The following TRAM2 variants were observed in gnomAD, a reference collection of about 807,000 sequenced individuals.
The protein encoded by TRAM2 is translocating chain-associated membrane protein 2.
In TRAM2, 12 loss-of-function variants were observed where a neutral mutation model predicts 51.0. That is an observed-to-expected ratio of 0.24 (90% CI 0.15 to 0.38). The LOEUF (loss-of-function observed/expected upper bound fraction) is 0.38. Among genes scored for constraint, TRAM2 ranks in the 10% least tolerant of loss-of-function variants. The pLI is 1.00. For synonymous variants in TRAM2, 175 were observed against 179.4 expected (o/e 0.98, Z 0.20); for missense variants, 361 against 462.0 (o/e 0.78, Z 2.00).
chr6:52,553,582 A>G (rs1170152169), intron 1 of TRAM2, among the ~76,000 whole-genome samples: 1 of 150,864 alleles, frequency 6.6e-6, no homozygotes, highest in Non-Finnish European at 1.5e-5. Context: ...TTCTACCATC[A>G]CTCCTCTTGG....
In TRAM2 at chr6:52,507,592, C is replaced by A; in HGVS notation, c.587G>T (p.Cys196Phe). 4.3e-6 allele frequency: 7 copies of A among 1,614,132 alleles called. No individual in the cohort carries two copies. Among genetic ancestry groups the A allele is most frequent in the Non-Finnish European group, 5.9e-6 (7 of 1,180,016 alleles). Residue 196 changes from cysteine (C) to phenylalanine (F), a missense_variant, in exon 7 of 11, where the codon TGC becomes TTC. Transcript: ENST00000182527. ...EEIPRQLQYICLYLVHIAGAY... is the reference protein window; with the variant it reads ...EEIPRQLQYIFLYLVHIAGAY... Reference sequence around the variant, plus strand: ...TCCAGCTATATGCACCAGGTACAGGCAAATATACTGGAGCTGGCGGGGAAT... The same window carrying A: ...TCCAGCTATATGCACCAGGTACAGGAAAATATACTGGAGCTGGCGGGGAAT...
intron 2 of TRAM2, among the ~76,000 whole-genome samples, chr6:52,519,105 C>G (rs1258806385): frequency 6.6e-6 from 1 of 152,214 alleles, no homozygotes; most frequent in Non-Finnish European, 1.5e-5. Flanking sequence ...GCTGTTGAGA[C>G]CTGCGCACAT....
chr6:52,570,800 C>T (rs112470650), intron 1 of TRAM2, among the ~76,000 whole-genome samples: 6,954 of 115,880 alleles, frequency 0.06, 629 homozygotes, highest in Non-Finnish European at 0.084. Context: ...CCACCACCCC[C>T]CCCCCCACAC....
chr6:52,571,185 G>A (rs972095908), intron 1 of TRAM2, among the ~76,000 whole-genome samples: 21 of 152,054 alleles, frequency 1.4e-4, no homozygotes, highest in Admixed American at 6.6e-4. Context: ...TGCTAATAGC[G>A]CTCTCGCTGA....
chr6:52,576,389 C>T (rs183106264), intron 1 of TRAM2, among the ~76,000 whole-genome samples: 236 of 152,344 alleles, frequency 1.5e-3, no homozygotes, highest in Non-Finnish European at 2.3e-3. Context: ...GTGGCCACCC[C>T]TTGGGGCAAG....
Position 52,500,388 on chromosome 6 carries a change from A to G in TRAM2, c.*2809T>C, listed in dbSNP as rs971665364. 1.3e-5 allele frequency: 2 copies of G among 152,200 alleles called. No individual in the cohort carries two copies. The highest frequency in any genetic ancestry group is 2.4e-5 in the African/African-American group (1 of 41,430). The allele number at this position is 152,200 out of a possible 1,614,324, so 9.4% of individuals were successfully genotyped here. A position where few individuals can be genotyped will look rare whatever the true frequency, so the allele number is the denominator to read the frequency against. On this transcript the variant is annotated 3_prime_UTR_variant, in exon 11 of 11. Transcript: ENST00000182527. ...GCCACAGACTTGGCTCTGCTGTGAA[A>G]TAAACGTGCCAGGGAGGGTGGCAGG...
rs1026002373 is a variant in TRAM2, at chr6:52,558,902, A to G, written c.120+17894T>C. Among the ~76,000 whole-genome samples the G allele has an allele frequency of 2.0e-5, 3 of 152,206 alleles. No homozygotes were observed. In the East Asian group the frequency reaches 5.8e-4, roughly 29 times the overall value. ...AATCACACACCATTAATTCCAACAA[A>G]TATTTTTCCTCACACCCTTCTAGCC... On this transcript the variant is annotated intron_variant, in intron 1 of 10. Transcript: ENST00000182527.
chr6:52,535,616 G>A (rs765907692), intron 2 of TRAM2, among the ~76,000 whole-genome samples, 167 bp downstream of exon 2: 18 of 152,190 alleles, frequency 1.2e-4, no homozygotes, highest in Non-Finnish European at 2.4e-4. Flanking sequence ...GGGATGTGGA[G>A]GTTGCAGTGA....
At chr6:52,538,889 T>A (rs1335038601) in intron 1 of TRAM2, among the ~76,000 whole-genome samples, 1 of 152,210 alleles carries the variant, frequency 6.6e-6, no homozygotes, top group Non-Finnish European at 1.5e-5. Flanking sequence ...CACTGAAACC[T>A]TGTTCCTGGG....
At chr6:52,517,800 G>C (rs937979236) in intron 2 of TRAM2, among the ~76,000 whole-genome samples, 5 of 152,258 alleles carry the variant, frequency 3.3e-5, no homozygotes, top group African/African-American at 1.2e-4. Context: ...GTTTGTTTCA[G>C]GGTGGCCAGG....
At chr6:52,507,039 G>A (rs1766362587) in intron 7 of TRAM2, among the ~76,000 whole-genome samples, 1 of 152,178 alleles carries the variant, frequency 6.6e-6, no homozygotes, top group Non-Finnish European at 1.5e-5. Context: ...TTTCATAAAA[G>A]AGGCTCTTCG....
intron 2 of TRAM2, among the ~76,000 whole-genome samples, chr6:52,518,159 C>T (rs1294410192): frequency 6.6e-6 from 1 of 152,148 alleles, no homozygotes; most frequent in Non-Finnish European, 1.5e-5. Context: ...CCACAGCAGG[C>T]GAGGGCCCCA....
At chr6:52,555,287 A>G (rs1386375372) in intron 1 of TRAM2, among the ~76,000 whole-genome samples, 4 of 140,434 alleles carry the variant, frequency 2.8e-5, no homozygotes, top group African/African-American at 8.1e-5. Context: ...TCTACCCCCA[A>G]CCCACCACCT....
rs949088556 is a variant in TRAM2 at position 52,519,979 on chromosome 6, A to G, written c.185-3242T>C. Among the ~76,000 whole-genome samples, 7 of 152,196 alleles carry G rather than the reference A, an allele frequency of 4.6e-5. No individual in the cohort carries two copies. The South Asian group carries it at 1.2e-3, about 27-fold the overall frequency. ...AGAGACAGAAAGCAAAATGGTGGTT[A>G]CCAAGGGCTGGGAGTGAGAGGAATG... On this transcript the variant is annotated intron_variant, in intron 2 of 10. Transcript: ENST00000182527.
intron 2 of TRAM2, chr6:52,524,541 T>A (rs1381318227): frequency 6.6e-6 from 1 of 151,504 alleles, no homozygotes; most frequent in Admixed American, 6.6e-5. Flanking sequence ...ACAGGGAAGC[T>A]AGGAAGTGGG....
intron 10 of TRAM2, 81 bp downstream of exon 10, chr6:52,504,510 A>C (rs1252490417): frequency 1.3e-6 from 2 of 1,587,922 alleles, no homozygotes; most frequent in Non-Finnish European, 1.7e-6. Flanking sequence ...AGCGCCCAAG[A>C]AGCCAGGTGC....
Position 52,576,826 on chromosome 6 carries a change from C to A in TRAM2, c.90G>T (p.Val30=). Residue 30 remains valine (V), a synonymous_variant, in exon 1 of 11, where the codon GTG becomes GTT. Transcript: ENST00000182527. ...ACATAAGCCCGATGAGGACGCAGAG[C>A]ACCAGGCAGAAGCCGATGTCCGCAT... is the stretch of plus-strand genomic sequence containing the variant. The part of the protein sequence containing the change: ...HNHADIGFCL[V]LCVLIGLMFE... 1.2e-6 allele frequency: 2 copies of A among 1,613,792 alleles called. No homozygotes were observed. Among genetic ancestry groups the A allele is most frequent in the Non-Finnish European group, 1.7e-6 (2 of 1,179,808 alleles).
intron 1 of TRAM2, among the ~76,000 whole-genome samples, chr6:52,565,723 A>C (rs1767579834): frequency 6.6e-6 from 1 of 152,240 alleles, no homozygotes; most frequent in Non-Finnish European, 1.5e-5. Context: ...TTCATCAGGA[A>C]CTTCCAGGTG....
chr6:52,522,733 G>C, intron 2 of TRAM2: 1 of 581,706 alleles, frequency 1.7e-6, no homozygotes, highest in Non-Finnish European at 3.1e-6. Context: ...GCTTATCTTT[G>C]ATTACAGTTT....
Sources: gnomAD v4.1 joint callset for allele counts (sites outside exome capture counted in the v4.1 genomes callset) on GRCh38, gnomAD v4.1.1 for gene constraint, MANE v1.5 for transcripts, NCBI Gene and HGNC (gene_info 2026-07-23, HGNC 2026-07-21) for gene names.